ZFAND6: variants seen among roughly 807,000 people sequenced by gnomAD.
ZFAND6 encodes the protein AN1-type zinc finger protein 6.
Under a neutral mutation model 24.5 loss-of-function variants are expected in ZFAND6, and 12 were observed. That is an observed-to-expected ratio of 0.49 (90% CI 0.31 to 0.79). The LOEUF is 0.79. Among genes scored for constraint, ZFAND6 ranks in the 30% least tolerant of loss-of-function variants. The probability of loss-of-function intolerance (pLI) is 0.04; values close to 1 mark genes in which losing one functional copy is unlikely to be tolerated. For synonymous variants in ZFAND6, 92 were observed against 81.5 expected (o/e 1.13, Z -0.69); for missense variants, 207 against 245.9 (o/e 0.84, Z 1.06).
At chr15:80,111,477 G>A (rs2039606541) in intron 2 of ZFAND6, 1 of 455,326 alleles carries the variant, frequency 2.2e-6, no homozygotes, top group Non-Finnish European at 4.4e-6. Context: ...TGGTGGAGTC[G>A]CCGGTAGCCA....
At chr15:80,076,626 C>T (rs927256968) in intron 1 of ZFAND6, among the ~76,000 whole-genome samples, 1 of 151,914 alleles carries the variant, frequency 6.6e-6, no homozygotes, top group Non-Finnish European at 1.5e-5. Context: ...TACTGTTAGT[C>T]TTTTCGAACC....
intron 1 of ZFAND6, among the ~76,000 whole-genome samples, chr15:80,088,071 A>G (rs571616155): frequency 4.6e-5 from 7 of 152,296 alleles, no homozygotes; most frequent in African/African-American, 1.7e-4. Context: ...TTTATGCAAT[A>G]ATATTATTTA....
At chr15:80,083,173 A>G (rs1160512628) in intron 1 of ZFAND6, among the ~76,000 whole-genome samples, 2 of 151,942 alleles carry the variant, frequency 1.3e-5, no homozygotes, top group Admixed American at 6.6e-5. Context: ...TGTATTTTTT[A>G]GTAGAGACGG....
chr15:80,124,818 A>T (rs185703916), intron 5 of ZFAND6, among the ~76,000 whole-genome samples: 5 of 152,314 alleles, frequency 3.3e-5, no homozygotes, highest in African/African-American at 1.2e-4. Flanking sequence ...TAAATTAGGT[A>T]TAAGTTTCAT....
At chr15:80,101,088 G>A (rs1217482579) in intron 2 of ZFAND6, among the ~76,000 whole-genome samples, 1 of 152,158 alleles carries the variant, frequency 6.6e-6, no homozygotes, top group African/African-American at 2.4e-5. Flanking sequence ...AAGGCTTTAG[G>A]ATTAAGAATT....
chr15:80,087,020 A>T (rs912247006), intron 1 of ZFAND6, among the ~76,000 whole-genome samples: 1 of 152,102 alleles, frequency 6.6e-6, no homozygotes, highest in Non-Finnish European at 1.5e-5. Context: ...GTGGAATAAT[A>T]CTCTCTATAT....
At chr15:80,107,306 T>C (rs2039383462) in intron 2 of ZFAND6, among the ~76,000 whole-genome samples, 1 of 152,212 alleles carries the variant, frequency 6.6e-6, no homozygotes. Context: ...TGTGAGAGTA[T>C]GGTGATGAAT....
At chr15:80,136,481 AAGAT>A (rs1275365375) in intron 6 of ZFAND6, among the ~76,000 whole-genome samples, 2 of 152,122 alleles carry the variant, frequency 1.3e-5, no homozygotes, top group East Asian at 1.9e-4. Context: ...AAAAGGAAAA[AAGAT>A]AGCCTTTCTA....
At chr15:80,086,997 A>G (rs1222984247) in intron 1 of ZFAND6, among the ~76,000 whole-genome samples, 1 of 152,200 alleles carries the variant, frequency 6.6e-6, no homozygotes, top group Non-Finnish European at 1.5e-5. Flanking sequence ...TCAGAATTTC[A>G]TTCCTTTTAA....
intron 2 of ZFAND6, among the ~76,000 whole-genome samples, chr15:80,113,018 C>T (rs533033201): frequency 6.8e-6 from 1 of 147,710 alleles, no homozygotes; most frequent in East Asian, 1.9e-4. Flanking sequence ...GACAGGAGCT[C>T]GTCTTACCTT....
At chr15:80,061,584 C>G (rs36024963) in intron 1 of ZFAND6, among the ~76,000 whole-genome samples, 9,609 of 152,180 alleles carry the variant, frequency 0.063, 398 homozygotes, top group East Asian at 0.19. Flanking sequence ...TATGCCGAAA[C>G]TGTGTGGCAT....
intron 2 of ZFAND6, among the ~76,000 whole-genome samples, chr15:80,102,598 TA>T (rs1358243060): frequency 6.6e-6 from 1 of 152,220 alleles, no homozygotes; most frequent in Non-Finnish European, 1.5e-5. Context: ...CTTTGAAGAC[TA>T]GCAATGTTAT....
intron 5 of ZFAND6, among the ~76,000 whole-genome samples, chr15:80,124,401 C>T (rs1178071653): frequency 6.6e-6 from 1 of 151,866 alleles, no homozygotes; most frequent in African/African-American, 2.4e-5. Context: ...CCACTGCACT[C>T]CAGCCTGGGC....
intron 6 of ZFAND6, among the ~76,000 whole-genome samples, chr15:80,136,136 A>G (rs1397557080): frequency 2.6e-5 from 4 of 151,948 alleles, no homozygotes; most frequent in African/African-American, 7.2e-5. Flanking sequence ...AAAAAAAAAA[A>G]AAGACATTTT....
intron 2 of ZFAND6, among the ~76,000 whole-genome samples, chr15:80,100,293 T>G (rs2038964073): frequency 6.6e-6 from 1 of 152,216 alleles, no homozygotes; most frequent in South Asian, 2.1e-4. Context: ...TTCCCTCCTC[T>G]TTTTTAATTA....
intron 1 of ZFAND6, among the ~76,000 whole-genome samples, chr15:80,093,366 G>A (rs1250005328): frequency 2.0e-5 from 3 of 152,160 alleles, no homozygotes; most frequent in African/African-American, 7.2e-5. Context: ...GAGCAAGAAG[G>A]TTGTATTTGA....
chr15:80,063,489 T>C (rs1487707965), intron 1 of ZFAND6, among the ~76,000 whole-genome samples: 2 of 151,978 alleles, frequency 1.3e-5, no homozygotes, highest in Non-Finnish European at 2.9e-5. Context: ...TCTCCTAGGT[T>C]GAAGTGATTC....
intron 1 of ZFAND6, among the ~76,000 whole-genome samples, chr15:80,083,084 T>C (rs1014733687): frequency 4.9e-4 from 75 of 152,208 alleles, no homozygotes; most frequent in Admixed American, 4.8e-3. Flanking sequence ...CTCCGCCTCC[T>C]GGGTTCACGC....
chr15:80,071,879 C>T (rs930428958), intron 1 of ZFAND6, among the ~76,000 whole-genome samples: 1 of 152,014 alleles, frequency 6.6e-6, no homozygotes. Context: ...AAAATACTCA[C>T]ATGTCAGATC....
Sources: gnomAD v4.1 joint callset for allele counts (sites outside exome capture counted in the v4.1 genomes callset) on GRCh38, gnomAD v4.1.1 for gene constraint, MANE v1.5 for transcripts, NCBI Gene and HGNC (gene_info 2026-07-23, HGNC 2026-07-21) for gene names.